Variants in PRKG1 observed in about 807,000 individuals in gnomAD.
The protein encoded by PRKG1 is cGMP-dependent protein kinase 1.
PRKG1 carries 35 observed loss-of-function variants against 88.1 expected under a neutral mutation model. The ratio of observed to expected loss-of-function variants is 0.40; its 90% confidence interval spans 0.30 to 0.53. PRKG1 has a LOEUF of 0.53. Ranked by LOEUF, PRKG1 falls within the 20% of genes least tolerant of loss-of-function variation. PRKG1 has a pLI of 0.59. For missense variants in PRKG1, 540 were observed against 839.8 expected (o/e 0.64, Z 4.41); for synonymous variants, 303 against 292.5 (o/e 1.04, Z -0.37).
In PRKG1 at chr10:51,343,602, T is replaced by C. The variant is rs147770434; in HGVS notation, c.479-124121T>C. On this transcript the variant is annotated intron_variant, in intron 2 of 17. Coordinates refer to ENST00000373980, the MANE Select transcript of PRKG1 (RefSeq NM_006258.4). Reference sequence around the variant, plus strand: ...TATATTACTGGTATGTTTATTTAAATATTGACAATAATATGTTTTAATAAA... The same window carrying C: ...TATATTACTGGTATGTTTATTTAAACATTGACAATAATATGTTTTAATAAA... 5.5e-4 allele frequency among the ~76,000 whole-genome samples: 84 copies of C among 152,304 alleles called. No individual in the cohort carries two copies. The East Asian group carries it at 0.014, about 25-fold the overall frequency.
chr10:51,003,348 A>G (rs1446248894), intron 1 of PRKG1, among the ~76,000 whole-genome samples: 1 of 152,216 alleles, frequency 6.6e-6, no homozygotes, highest in East Asian at 1.9e-4. Context: ...AGCATGCTAC[A>G]TTGAAATCCC....
At chr10:51,050,390 T>G (rs1843546106) in intron 1 of PRKG1, among the ~76,000 whole-genome samples, 1 of 152,138 alleles carries the variant, frequency 6.6e-6, no homozygotes, top group Non-Finnish European at 1.5e-5. Flanking sequence ...TATTTTAGAT[T>G]CCTTATAAAA....
intron 16 of PRKG1, 103 bp from the exon 17 acceptor site, chr10:52,290,121 G>C (rs2132462197): frequency 2.4e-6 from 2 of 819,308 alleles, no homozygotes; most frequent in South Asian, 4.5e-5. Context: ...ACATGAAAAT[G>C]TTTGCCTAAC....
chr10:51,374,093 A>AAAATATATATATATATATATATATATAT, intron 2 of PRKG1, among the ~76,000 whole-genome samples: 64 of 100,064 alleles, frequency 6.4e-4, no homozygotes, highest in South Asian at 1.7e-3. Context: ...AAAAAAAAAA[A>AAAATATATATATATATATATATATATAT]ATATATATAT....
intron 2 of PRKG1, among the ~76,000 whole-genome samples, chr10:51,405,655 T>C (rs1164414474): frequency 2.0e-5 from 3 of 152,326 alleles, no homozygotes; most frequent in East Asian, 3.9e-4. Context: ...AATATTTGGC[T>C]CTTGTAGACA....
intron 5 of PRKG1, among the ~76,000 whole-genome samples, chr10:52,009,471 G>A (rs981756519): frequency 6.6e-6 from 1 of 152,072 alleles, no homozygotes; most frequent in Non-Finnish European, 1.5e-5. Flanking sequence ...AACCAGGAAG[G>A]TGAAAGATCT....
In PRKG1 at chr10:51,188,575, C is replaced by T. The variant is rs75553669; in HGVS notation, c.478+35245C>T. 9.8e-3 allele frequency among the ~76,000 whole-genome samples: 1,492 copies of T among 151,896 alleles called. 29 individuals are homozygous for T. Among genetic ancestry groups the T allele is most frequent in the African/African-American group, 0.034 (1,423 of 41,450 alleles). On this transcript the variant is annotated intron_variant, in intron 2 of 17. Coordinates refer to ENST00000373980, the MANE Select transcript of PRKG1 (RefSeq NM_006258.4). ...TGCAACAAATTGATGAATAAAACCA[C>T]GACAAGAAGATCCTTCAGAAAACAA...
Position 51,019,815 on chromosome 10 carries a change from A to C in PRKG1, c.266+28171A>C, listed in dbSNP as rs191947801. On this transcript the variant is annotated intron_variant, in intron 1 of 17. Transcript: ENST00000401604. ...AAGCAACAAAACAAAACAAAAAAAA[A>C]CTCAATTTAAAAATGGGCAAAGGAA... Among the ~76,000 whole-genome samples the C allele has an allele frequency of 7.2e-3, 1,101 of 152,188 alleles. 16 individuals are homozygous for C. Among genetic ancestry groups the C allele is most frequent in the African/African-American group, 0.025 (1,057 of 41,536 alleles).
intron 3 of PRKG1, among the ~76,000 whole-genome samples, chr10:51,739,692 G>A (rs1239407959): frequency 2.6e-5 from 4 of 152,054 alleles, no homozygotes; most frequent in African/African-American, 7.2e-5. Context: ...AAACCACTAG[G>A]CCAGGCGTGG....
At chr10:51,608,853 T>A (rs988734101) in intron 3 of PRKG1, among the ~76,000 whole-genome samples, 10 of 152,154 alleles carry the variant, frequency 6.6e-5, no homozygotes, top group Non-Finnish European at 1.5e-4. Context: ...TCTAGTATAA[T>A]GTGTGTATTT....
intron 9 of PRKG1, among the ~76,000 whole-genome samples, chr10:52,182,672 C>A (rs1176925045): frequency 1.4e-5 from 2 of 145,766 alleles, no homozygotes; most frequent in Non-Finnish European, 3.0e-5. Flanking sequence ...GTTTTCCCAG[C>A]ACCATTTATT....
intron 4 of PRKG1, among the ~76,000 whole-genome samples, chr10:51,833,518 G>A (rs1037588721): frequency 6.6e-6 from 1 of 152,106 alleles, no homozygotes; most frequent in African/African-American, 2.4e-5. Context: ...ACATTTATAG[G>A]TAGTAGAGCT....
At chr10:52,021,153 T>C (rs1845173976) in intron 5 of PRKG1, among the ~76,000 whole-genome samples, 1 of 152,158 alleles carries the variant, frequency 6.6e-6, no homozygotes, top group Non-Finnish European at 1.5e-5. Context: ...ATCTACAAAT[T>C]CTCAACTGCC....
intron 2 of PRKG1, among the ~76,000 whole-genome samples, chr10:51,249,297 G>T (rs756163742): frequency 6.6e-6 from 1 of 151,782 alleles, no homozygotes; most frequent in African/African-American, 2.4e-5. Flanking sequence ...ATTAAGCAAC[G>T]CATATATTAT....
chr10:50,997,711 T>C (rs774466873), intron 1 of PRKG1, among the ~76,000 whole-genome samples: 14 of 152,286 alleles, frequency 9.2e-5, no homozygotes, highest in Middle Eastern at 3.4e-3. Context: ...GGATAGCATA[T>C]CCTGTTTCAC....
intron 3 of PRKG1, among the ~76,000 whole-genome samples, chr10:51,682,638 T>C (rs572428649): frequency 1.3e-5 from 2 of 152,342 alleles, no homozygotes; most frequent in African/African-American, 4.8e-5. Context: ...GAACTTATTA[T>C]ATGTAAGCAT....
intron 1 of PRKG1, among the ~76,000 whole-genome samples, chr10:51,104,493 A>G (rs1844770399): frequency 6.6e-6 from 1 of 152,100 alleles, no homozygotes; most frequent in African/African-American, 2.4e-5. Context: ...TTTGGAACAT[A>G]TTTTTGATGC....
intron 3 of PRKG1, among the ~76,000 whole-genome samples, chr10:51,704,891 A>G (rs1291816245): frequency 6.6e-6 from 1 of 152,202 alleles, no homozygotes; most frequent in African/African-American, 2.4e-5. Context: ...CAGAGGCTTA[A>G]GAATACCAAA....
chr10:52,072,114 C>A (rs923166957), intron 7 of PRKG1, among the ~76,000 whole-genome samples: 4 of 149,376 alleles, frequency 2.7e-5, no homozygotes, highest in African/African-American at 7.4e-5. Flanking sequence ...GCCTTGGGAC[C>A]CTTCTCTTTC....
Sources: gnomAD v4.1 joint callset for allele counts (sites outside exome capture counted in the v4.1 genomes callset) on GRCh38, gnomAD v4.1.1 for gene constraint, MANE v1.5 for transcripts, NCBI Gene and HGNC (gene_info 2026-07-23, HGNC 2026-07-21) for gene names.